The following SLC23A2 variants were observed in gnomAD, a reference collection of about 807,000 sequenced individuals.
SLC23A2 encodes Na(+)/L-ascorbic acid transporter 2.
In SLC23A2, 36 loss-of-function variants were observed where a neutral mutation model predicts 73.3. The ratio of observed to expected loss-of-function variants is 0.49; its 90% CI spans 0.38 to 0.65. The LOEUF is 0.65. SLC23A2 is among the 30% of genes least tolerant of loss of function. The pLI is 0.00. For missense variants in SLC23A2, 507 were observed against 841.6 expected, an observed-to-expected ratio of 0.60 and a Z score of 4.92; for synonymous variants, 343 against 327.3, an observed-to-expected ratio of 1.05 and a Z score of -0.52.
intron 6 of SLC23A2, among the ~76,000 whole-genome samples, chr20:4,896,725 T>C (rs1931536523): frequency 6.6e-6 from 1 of 152,166 alleles, no homozygotes; most frequent in African/African-American, 2.4e-5. Context: ...TGGATGTCAC[T>C]GATCCCCTGG....
At position 4,954,167 on chromosome 20, in the gene SLC23A2, C is replaced by T. The variant is rs552672087; in HGVS notation, c.-155+16626G>A. 1.8e-3 allele frequency among the ~76,000 whole-genome samples: 276 copies of T among 152,220 alleles called. 1 individual carries two copies. The highest frequency in any genetic ancestry group is 5.4e-3 in the South Asian group (26 of 4,818). On this transcript the variant is annotated intron_variant, in intron 2 of 16. Coordinates refer to ENST00000338244, the MANE Select transcript of SLC23A2 (RefSeq NM_005116.6). ...GAAGAAATGACCAACACTTCATAAA[C>T]ATATCTCTCTCCAAGAAGATAGGGG...
upstream of SLC23A2, among the ~76,000 whole-genome samples, chr20:5,005,825 A>G (rs553829939): frequency 4.6e-4 from 70 of 152,166 alleles, no homozygotes; most frequent in African/African-American, 1.6e-3. Context: ...CGTCTCTACT[A>G]AAAATACAAA....
intron 1 of SLC23A2, among the ~76,000 whole-genome samples, chr20:4,999,861 C>A (rs190128317): frequency 6.9e-4 from 105 of 152,242 alleles, no homozygotes; most frequent in Non-Finnish European, 7.4e-5. Context: ...ACCCTCCACT[C>A]TAAGCAAAGA....
chr20:4,876,981 C>T (rs1930681360), intron 9 of SLC23A2, among the ~76,000 whole-genome samples: 1 of 150,980 alleles, frequency 6.6e-6, no homozygotes, highest in South Asian at 2.1e-4. Context: ...GCAGCAGCAC[C>T]TTAGTGACTG....
intron 9 of SLC23A2, among the ~76,000 whole-genome samples, chr20:4,881,485 G>T (rs577619856): frequency 6.6e-6 from 1 of 152,226 alleles, no homozygotes; most frequent in Non-Finnish European, 1.5e-5. Context: ...TTTTAATTTG[G>T]GGGGAGGTAA....
At position 4,854,580 on chromosome 20, in the gene SLC23A2, T is replaced by A. The variant is rs1238403929; in HGVS notation, c.*2392A>T. The A allele has an allele frequency of 1.3e-5, 2 of 152,154 alleles. No individual in the cohort carries two copies. The highest frequency in any genetic ancestry group is 1.3e-4 in the Admixed American group (2 of 15,276). 9.4% of individuals were successfully genotyped at this position (152,154 alleles called of 1,614,324 possible). ...AATTATTGGGTTGGCCACAGTGGAA[T>A]CAGAACAGGAAACTCTCACTCCAAC... On this transcript the variant is annotated 3_prime_UTR_variant, in exon 17 of 17. Transcript: ENST00000338244.
intron 6 of SLC23A2, among the ~76,000 whole-genome samples, chr20:4,898,965 A>G (rs985200136): frequency 6.6e-5 from 10 of 152,210 alleles, no homozygotes; most frequent in Non-Finnish European, 1.3e-4. Context: ...GAAGACACAC[A>G]AGAAGGTAGA....
At chr20:4,993,280 C>G (rs552599689) in intron 1 of SLC23A2, among the ~76,000 whole-genome samples, 3 of 143,234 alleles carry the variant, frequency 2.1e-5, no homozygotes, top group African/African-American at 2.6e-5. Flanking sequence ...TGCACCCCAG[C>G]CTGGGCGACA....
chr20:4,928,563 T>C (rs1228506596), intron 3 of SLC23A2, among the ~76,000 whole-genome samples: 1 of 152,172 alleles, frequency 6.6e-6, no homozygotes, highest in African/African-American at 2.4e-5. Context: ...TCTCTATCCT[T>C]GGCATTTCTC....
At chr20:4,892,406 C>T (rs915060398) in intron 6 of SLC23A2, among the ~76,000 whole-genome samples, 1 of 151,556 alleles carries the variant, frequency 6.6e-6, no homozygotes, top group Non-Finnish European at 1.5e-5. Flanking sequence ...AAGCTGATCT[C>T]CAACTCCTGA....
At chr20:4,864,554 G>A (rs1930118009) in intron 13 of SLC23A2, among the ~76,000 whole-genome samples, 1 of 152,232 alleles carries the variant, frequency 6.6e-6, no homozygotes, top group Non-Finnish European at 1.5e-5. Flanking sequence ...GAATAAGGAA[G>A]GCTTTCATTT....
Position 5,006,904 on chromosome 20 carries a change from C to T in SLC23A2, c.-282+3278G>A, listed in dbSNP as rs186201674. Among the ~76,000 whole-genome samples the T allele has an allele frequency of 7.6e-3, 1,160 of 151,856 alleles. 60 individuals are homozygous for T. In the South Asian group the frequency reaches 0.15, roughly 20 times the overall value. ...ACATCTGTCTCATACTAAGACATAA[C>T]AGATCTAGGGCTGCGTGGCAGGACC... On this transcript the variant is annotated intron_variant, in intron 1 of 16. Transcript: ENST00000379333.
chr20:4,973,002 C>T (rs1353424429), intron 1 of SLC23A2, among the ~76,000 whole-genome samples: 2 of 152,148 alleles, frequency 1.3e-5, no homozygotes, highest in African/African-American at 4.8e-5. Context: ...AAGAGAGACA[C>T]TTTAAAAGAA....
At chr20:4,991,179 C>G (rs6053017) in intron 1 of SLC23A2, among the ~76,000 whole-genome samples, 52,585 of 151,824 alleles carry the variant, frequency 0.35, 9,838 homozygotes, top group Admixed American at 0.41. Context: ...ACCATCACAA[C>G]TCACTGCAGC....
intron 2 of SLC23A2, among the ~76,000 whole-genome samples, chr20:4,945,185 A>G (rs1358857204): frequency 6.6e-6 from 1 of 152,102 alleles, no homozygotes; most frequent in Non-Finnish European, 1.5e-5. Flanking sequence ...AGCAGTGGTG[A>G]TTATTTGATC....
At chr20:5,002,139 C>T (rs2088137420), upstream of SLC23A2, among the ~76,000 whole-genome samples, 1 of 152,078 alleles carries the variant, frequency 6.6e-6, no homozygotes, top group Admixed American at 6.6e-5. Flanking sequence ...AGGTGATGCC[C>T]CCGGGTGAGG....
At chr20:4,933,037 T>C (rs997767649) in intron 2 of SLC23A2, among the ~76,000 whole-genome samples, 1 of 152,202 alleles carries the variant, frequency 6.6e-6, no homozygotes, top group Non-Finnish European at 1.5e-5. Flanking sequence ...CACTACCTAA[T>C]AGAACTTTCT....
chr20:4,938,076 G>A (rs1235237570), intron 2 of SLC23A2, among the ~76,000 whole-genome samples: 2 of 146,362 alleles, frequency 1.4e-5, no homozygotes, highest in Non-Finnish European at 3.0e-5. Flanking sequence ...TGTTGCCCAA[G>A]CTGGAGTGCA....
intron 4 of SLC23A2, among the ~76,000 whole-genome samples, chr20:4,911,898 C>G (rs938371849): frequency 2.6e-5 from 4 of 151,842 alleles, no homozygotes; most frequent in Non-Finnish European, 4.4e-5. Flanking sequence ...AGTTGGAGTA[C>G]AGAAGCATGA....
Sources: allele counts gnomAD v4.1 joint callset (sites outside exome capture counted in the v4.1 genomes callset), GRCh38; gene constraint gnomAD v4.1.1; transcripts MANE v1.5; gene names NCBI Gene and HGNC (gene_info 2026-07-23, HGNC 2026-07-21).